C19orf47: variants seen among roughly 807,000 people sequenced by gnomAD.
C19orf47 encodes chromosome 19 open reading frame 47.
In C19orf47, 18 loss-of-function variants were observed where a neutral mutation model predicts 32.3. That is an observed-to-expected ratio of 0.56 (90% CI 0.39 to 0.83). The LOEUF is 0.83. C19orf47 is among the 40% of genes least tolerant of loss of function. C19orf47 has a pLI of 0.00. For missense variants in C19orf47, 484 were observed against 531.6 expected (o/e 0.91, Z 0.88); for synonymous variants, 202 against 211.1 (o/e 0.96, Z 0.37).
intron 1 of C19orf47, 49 bp from the exon 2 acceptor site, chr19:40,341,939 T>C (rs1600216479): frequency 2.0e-6 from 3 of 1,535,698 alleles, no homozygotes; most frequent in Non-Finnish European, 2.6e-6. Flanking sequence ...CGGCTGTGAG[T>C]GTTTGTCCCT....
At position 40,330,064 on chromosome 19, in the gene C19orf47, A is replaced by G. The variant is rs545419532; in HGVS notation, c.302-1514T>C. On this transcript the variant is annotated intron_variant, in intron 5 of 8. Coordinates refer to ENST00000683109, the MANE Select transcript of C19orf47 (RefSeq NM_001256441.2). The stretch of plus-strand genomic sequence containing the variant: ...GCAGTCAGGATATCAGAATACAAAG[A>G]ACTGTTCTCTTTCCCACTCCTGACA... Among the ~76,000 whole-genome samples, 8 of 152,240 alleles carry G rather than the reference A, an allele frequency of 5.3e-5. No homozygotes were observed. In the South Asian group the frequency reaches 1.7e-3, roughly 32 times the overall value.
At chr19:40,304,941 C>T in the C19orf47 span, among the ~76,000 whole-genome samples, 3 of 152,124 alleles carry the variant, frequency 2.0e-5, no homozygotes, top group African/African-American at 4.8e-5. Flanking sequence ...GTCTGTTTAC[C>T]GAGTTGGCCA....
chr19:40,324,959 CAAA>C (rs1010489988), intron 7 of C19orf47, among the ~76,000 whole-genome samples: 1 of 131,614 alleles, frequency 7.6e-6, no homozygotes. Flanking sequence ...GACTCTGTCT[CAAA>C]AAAAAAAAAA....
At chr19:40,341,616 C>A (rs2078179003) in intron 2 of C19orf47, among the ~76,000 whole-genome samples, 1 of 152,166 alleles carries the variant, frequency 6.6e-6, no homozygotes, top group Non-Finnish European at 1.5e-5. Context: ...GACTTCATAA[C>A]CCACGTTCTT....
chr19:40,302,231 AG>A, the C19orf47 span, among the ~76,000 whole-genome samples: 32 of 152,304 alleles, frequency 2.1e-4, no homozygotes, highest in Non-Finnish European at 4.3e-4. Flanking sequence ...AATCAGGCCA[AG>A]TTTAATAAGA....
intron 1 of C19orf47, among the ~76,000 whole-genome samples, chr19:40,346,588 G>A (rs551093927): frequency 4.4e-4 from 65 of 146,558 alleles, no homozygotes; most frequent in African/African-American, 1.6e-3. Flanking sequence ...GTGCAGTGGC[G>A]TGATCTCGTC....
At chr19:40,310,573 C>T in the C19orf47 span, among the ~76,000 whole-genome samples, 17 of 152,176 alleles carry the variant, frequency 1.1e-4, no homozygotes, top group African/African-American at 3.4e-4. Flanking sequence ...AGCCACCGCA[C>T]CCAGCCGAAT....
chr19:40,325,692 G>C (rs763645621), intron 7 of C19orf47, among the ~76,000 whole-genome samples: 4 of 152,200 alleles, frequency 2.6e-5, no homozygotes, highest in Non-Finnish European at 5.9e-5. Flanking sequence ...TATGTACCTA[G>C]ATGCTGGTCT....
At chr19:40,322,654 G>A (rs962150868) in intron 8 of C19orf47, among the ~76,000 whole-genome samples, 7 of 152,240 alleles carry the variant, frequency 4.6e-5, no homozygotes, top group Non-Finnish European at 8.8e-5. Context: ...GAGGACGGGA[G>A]TGCCGCACAA....
intron 1 of C19orf47, among the ~76,000 whole-genome samples, chr19:40,346,346 G>C (rs547141829): frequency 7.1e-4 from 106 of 148,600 alleles, no homozygotes; most frequent in African/African-American, 2.5e-3. Context: ...AGGAGGCTGA[G>C]GCAGGAGAAT....
intron 1 of C19orf47, among the ~76,000 whole-genome samples, chr19:40,345,075 T>G (rs948883876): frequency 6.6e-6 from 1 of 152,192 alleles, no homozygotes; most frequent in Non-Finnish European, 1.5e-5. Flanking sequence ...AGCCAGGTAC[T>G]ATGGTCTGTT....
At chr19:40,293,076 A>G in the C19orf47 span, among the ~76,000 whole-genome samples, 2 of 152,056 alleles carry the variant, frequency 1.3e-5, no homozygotes, top group Non-Finnish European at 2.9e-5. Flanking sequence ...CTATATGATA[A>G]GCTTCAATCC....
In C19orf47 at chr19:40,320,341, T is replaced by C. The variant is rs2077698681; in HGVS notation, c.*1541A>G. 1.3e-5 allele frequency: 2 copies of C among 155,568 alleles called. No individual in the cohort carries two copies. The highest frequency in any genetic ancestry group is 2.4e-5 in the African/African-American group (1 of 41,374). 9.6% of individuals were successfully genotyped at this position (155,568 alleles called of 1,614,324 possible). A position where few individuals can be genotyped will look rare whatever the true frequency, so the allele number is the denominator to read the frequency against. ...ACTCCCGGGTCACTGTGCACATTCC[T>C]CCTCCTTGATCACAACACCCCCAGC... On this transcript the variant is annotated 3_prime_UTR_variant, in exon 9 of 9. Coordinates refer to ENST00000683109, the MANE Select transcript of C19orf47 (RefSeq NM_001256441.2).
chr19:40,314,715 A>G (rs1294125689), downstream of C19orf47, among the ~76,000 whole-genome samples: 1 of 152,206 alleles, frequency 6.6e-6, no homozygotes, highest in African/African-American at 2.4e-5. Context: ...AACTCCTTAC[A>G]TGCAGGCTGT....
At chr19:40,343,038 C>T (rs1040441817) in intron 1 of C19orf47, among the ~76,000 whole-genome samples, 1 of 152,184 alleles carries the variant, frequency 6.6e-6, no homozygotes, top group Non-Finnish European at 1.5e-5. Flanking sequence ...TGAATGGGAA[C>T]TAAAGGAAAT....
chr19:40,312,140 A>G, the C19orf47 span, among the ~76,000 whole-genome samples: 1 of 152,268 alleles, frequency 6.6e-6, no homozygotes, highest in East Asian at 1.9e-4. Context: ...TCTTACAAGG[A>G]GATGTTGACT....
At position 40,321,269 on chromosome 19, in the gene C19orf47, G is replaced by C. The variant is rs1489982502; in HGVS notation, c.*613C>G. ...AGAGGGCGGCTAACAGTCTCAACAG[G>C]CTCGACGCCACCGCCGACGAGGGGG... On this transcript the variant is annotated 3_prime_UTR_variant, in exon 9 of 9. Transcript: ENST00000683109. 2.0e-6 allele frequency: 2 copies of C among 986,676 alleles called. No homozygotes were observed. Among genetic ancestry groups the C allele is most frequent in the Admixed American group, 6.1e-5 (1 of 16,304 alleles). 61.1% of individuals were successfully genotyped at this position (986,676 alleles called of 1,614,324 possible). A position where few individuals can be genotyped will look rare whatever the true frequency, so the allele number is the denominator to read the frequency against.
chr19:40,299,252 C>A, the C19orf47 span, among the ~76,000 whole-genome samples: 1 of 151,824 alleles, frequency 6.6e-6, no homozygotes, highest in African/African-American at 2.4e-5. Context: ...TTAATAATTA[C>A]CCTGGTGATT....
chr19:40,318,651 G>A (rs964655271), downstream of C19orf47, among the ~76,000 whole-genome samples: 1 of 152,172 alleles, frequency 6.6e-6, no homozygotes, highest in Non-Finnish European at 1.5e-5. Context: ...GACCTGAAGG[G>A]GCGGCCCCTG....
Sources: gnomAD v4.1 joint callset for allele counts (sites outside exome capture counted in the v4.1 genomes callset) on GRCh38, gnomAD v4.1.1 for gene constraint, MANE v1.5 for transcripts, NCBI Gene and HGNC (gene_info 2026-07-23, HGNC 2026-07-21) for gene names.